The following FILIP1L variants were observed in gnomAD, a reference collection of about 807,000 sequenced individuals.
The protein encoded by FILIP1L is filamin A-interacting protein 1-like.
A neutral mutation model predicts 96.6 loss-of-function variants in FILIP1L; 55 were observed. The observed-to-expected ratio is 0.57, with a 90% CI of 0.46 to 0.71. The LOEUF (loss-of-function observed/expected upper bound fraction) is 0.71, where lower values mean the gene tolerates loss of function less well. Among genes scored for constraint, FILIP1L ranks in the 30% least tolerant of loss-of-function variants. The probability of loss-of-function intolerance (pLI) is 0.00; values close to 1 mark genes in which losing one functional copy is unlikely to be tolerated. For missense variants in FILIP1L, 1,304 were observed against 1,321.2 expected (o/e 0.99, Z 0.20); for synonymous variants, 467 against 473.9 (o/e 0.99, Z 0.19).
chr3:99,909,675 A>G (rs1396584543), intron 4 of FILIP1L, among the ~76,000 whole-genome samples: 4 of 152,206 alleles, frequency 2.6e-5, no homozygotes, highest in African/African-American at 4.8e-5. Flanking sequence ...TTTTCATCAT[A>G]CAGATGAAAA....
chr3:100,025,243 T>C (rs2064897282), intron 1 of FILIP1L, among the ~76,000 whole-genome samples: 2 of 152,188 alleles, frequency 1.3e-5, no homozygotes, highest in Admixed American at 1.3e-4. Flanking sequence ...CCATACTGTT[T>C]GTGGCTATTT....
intron 1 of FILIP1L, among the ~76,000 whole-genome samples, chr3:99,934,061 C>T (rs1003625229): frequency 6.6e-6 from 1 of 152,230 alleles, no homozygotes; most frequent in African/African-American, 2.4e-5. Flanking sequence ...CGGGTCATCT[C>T]ATCTCAGCTG....
intron 1 of FILIP1L, among the ~76,000 whole-genome samples, chr3:99,958,592 A>G (rs1389395869): frequency 6.6e-6 from 1 of 152,186 alleles, no homozygotes; most frequent in African/African-American, 2.4e-5. Flanking sequence ...CGGTTAGTAG[A>G]ATTAGACAAC....
intron 1 of FILIP1L, among the ~76,000 whole-genome samples, chr3:100,000,084 A>T (rs1709799170): frequency 6.6e-6 from 1 of 152,122 alleles, no homozygotes; most frequent in Non-Finnish European, 1.5e-5. Flanking sequence ...GCCCAAGTTG[A>T]TTCTAATATA....
intron 1 of FILIP1L, among the ~76,000 whole-genome samples, chr3:99,992,838 T>C (rs1709563641): frequency 6.6e-6 from 1 of 152,148 alleles, no homozygotes; most frequent in African/African-American, 2.4e-5. Flanking sequence ...GGTTAATTTT[T>C]GTATGTGGTA....
intron 1 of FILIP1L, among the ~76,000 whole-genome samples, chr3:99,968,902 C>A (rs1708732602): frequency 6.6e-6 from 1 of 151,958 alleles, no homozygotes. Flanking sequence ...TCTTTCAAGT[C>A]ACTTGCCTTA....
intron 1 of FILIP1L, among the ~76,000 whole-genome samples, chr3:100,090,570 CCTGG>C (rs1219156262): frequency 6.6e-6 from 1 of 152,188 alleles, no homozygotes; most frequent in East Asian, 1.9e-4. Flanking sequence ...CAATCCCCTG[CCTGG>C]GCTCTTTCTC....
intron 1 of FILIP1L, among the ~76,000 whole-genome samples, chr3:99,957,628 G>A (rs893588472): frequency 1.4e-4 from 20 of 142,998 alleles, no homozygotes; most frequent in Admixed American, 9.9e-4. Flanking sequence ...TAGTTCAGCC[G>A]TCAGACTGGA....
chr3:99,872,422 T>C (rs1944847562), intron 4 of FILIP1L, among the ~76,000 whole-genome samples: 1 of 152,020 alleles, frequency 6.6e-6, no homozygotes. Context: ...TGATGTAATG[T>C]ATGCTTTCTT....
In FILIP1L at chr3:99,848,374, T is replaced by A. The variant is rs1190532379; in HGVS notation, c.3302A>T (p.Asn1101Ile). The A allele has an allele frequency of 6.2e-7, 1 of 1,614,184 alleles. No individual in the cohort carries two copies. Among genetic ancestry groups the A allele is most frequent in the South Asian group, 1.1e-5 (1 of 91,078 alleles). Residue 1101 changes from asparagine (N) to isoleucine (I), a missense_variant, in exon 5 of 6, where the codon AAC becomes ATC. Coordinates refer to ENST00000477258, the MANE Select transcript of FILIP1L (RefSeq NM_001387850.1). ...RTQGLINGAL[N>I]KTTNKVTSSI... The stretch of plus-strand genomic sequence containing the variant: ...GCTGGTGACTTTATTGGTTGTTTTG[T>A]TTAGTGCCCCGTTAATTAAGCCTTG...
chr3:99,930,676 C>A, intron 2 of FILIP1L, 93 bp downstream of exon 2: 1 of 1,377,028 alleles, frequency 7.3e-7, no homozygotes, highest in South Asian at 1.3e-5. Context: ...CATGTATGAA[C>A]CACAGATATC....
chr3:100,035,796 A>T (rs2065097744), intron 1 of FILIP1L, among the ~76,000 whole-genome samples: 1 of 152,242 alleles, frequency 6.6e-6, no homozygotes, highest in Admixed American at 6.5e-5. Context: ...ATCACGAGCT[A>T]TAGCAGTCAT....
intron 1 of FILIP1L, among the ~76,000 whole-genome samples, chr3:99,941,945 A>C (rs532784927): frequency 6.6e-6 from 1 of 152,342 alleles, no homozygotes; most frequent in South Asian, 2.1e-4. Context: ...TGGGAAAAGA[A>C]GACTAAGGAA....
At chr3:100,010,152 A>G (rs935489022) in intron 1 of FILIP1L, 1 of 974,010 alleles carries the variant, frequency 1.0e-6, no homozygotes, top group African/African-American at 1.8e-5. Context: ...GATTGGAGCC[A>G]CATTTCATTT....
chr3:100,058,401 C>T (rs1283120647), intron 1 of FILIP1L, among the ~76,000 whole-genome samples: 2 of 152,190 alleles, frequency 1.3e-5, no homozygotes, highest in Non-Finnish European at 2.9e-5. Flanking sequence ...AATGAGATCA[C>T]CTCTGAAGGC....
chr3:99,873,792 G>T (rs1366413590), intron 4 of FILIP1L, among the ~76,000 whole-genome samples: 2 of 152,130 alleles, frequency 1.3e-5, no homozygotes, highest in South Asian at 2.1e-4. Flanking sequence ...TTTCATACTG[G>T]CTGTTACTAT....
rs992582775 is a variant in FILIP1L at position 99,946,992 on chromosome 3, C to T, written c.-10-15962G>A. Among the ~76,000 whole-genome samples the T allele has an allele frequency of 4.6e-5, 7 of 152,042 alleles. No individual in the cohort carries two copies. The East Asian group carries it at 9.7e-4, about 21-fold the overall frequency. On this transcript the variant is annotated intron_variant, in intron 1 of 5. Coordinates refer to ENST00000477258, the MANE Select transcript of FILIP1L (RefSeq NM_001387850.1). ...TCTACTAAAAAAATACAAAAATTAG[C>T]GGGGCGTGGTGGCAGGCACCTGTAA...
At chr3:99,943,026 TAAC>T (rs1414956388) in intron 1 of FILIP1L, among the ~76,000 whole-genome samples, 1 of 152,278 alleles carries the variant, frequency 6.6e-6, no homozygotes, top group Admixed American at 6.5e-5. Context: ...GACCTCATTT[TAAC>T]AACATTACCA....
At chr3:100,010,959 T>G (rs1348605639) in intron 1 of FILIP1L, among the ~76,000 whole-genome samples, 1 of 151,756 alleles carries the variant, frequency 6.6e-6, no homozygotes, top group Admixed American at 6.6e-5. Context: ...AGTTTAAGTC[T>G]ACAAATAATT....
Sources: allele counts gnomAD v4.1 joint callset (sites outside exome capture counted in the v4.1 genomes callset), GRCh38; gene constraint gnomAD v4.1.1; transcripts MANE v1.5; gene names NCBI Gene and HGNC (gene_info 2026-07-23, HGNC 2026-07-21).